KHDRBS2: variants seen among roughly 807,000 people sequenced by gnomAD.
KHDRBS2 encodes KH domain-containing, RNA-binding, signal transduction-associated protein 2.
In KHDRBS2, 26 loss-of-function variants were observed where a neutral mutation model predicts 44.3. The ratio of observed to expected loss-of-function variants is 0.59; its 90% confidence interval spans 0.43 to 0.81. KHDRBS2 has a LOEUF of 0.81. KHDRBS2 is among the 40% of genes least tolerant of loss of function. The pLI is 0.00. For synonymous variants in KHDRBS2, 194 were observed against 151.1 expected (o/e 1.28, Z -2.08); for missense variants, 476 against 433.1 (o/e 1.10, Z -0.88).
In KHDRBS2 at chr6:62,199,340, C is replaced by T. The variant is rs1191701740; in HGVS notation, c.92-22028G>A. ...ACATGATTGTATATCTAGAAAACCC[C>T]CTTGTCTCAGCCCAAAATCTCCTTA... On this transcript the variant is annotated intron_variant, in intron 1 of 8. Transcript: ENST00000281156. 5.3e-5 allele frequency among the ~76,000 whole-genome samples: 8 copies of T among 152,200 alleles called. No individual in the cohort carries two copies. In the South Asian group the frequency reaches 6.2e-4, roughly 12 times the overall value.
intron 3 of KHDRBS2, among the ~76,000 whole-genome samples, chr6:62,022,781 C>A (rs1375157715): frequency 2.0e-5 from 3 of 151,652 alleles, no homozygotes; most frequent in African/African-American, 7.2e-5. Context: ...CATCCCATAT[C>A]ATGTGCGTAG....
At chr6:62,095,569 G>A (rs1167695171) in intron 2 of KHDRBS2, among the ~76,000 whole-genome samples, 1 of 151,744 alleles carries the variant, frequency 6.6e-6, no homozygotes. Context: ...TCTTCATGAT[G>A]TTTTCACAAT....
At chr6:61,937,919 AT>A (rs1811340547) in intron 4 of KHDRBS2, among the ~76,000 whole-genome samples, 1 of 151,960 alleles carries the variant, frequency 6.6e-6, no homozygotes, top group South Asian at 2.1e-4. Flanking sequence ...CTTACTTTCC[AT>A]TTTTATTACC....
At chr6:62,002,574 T>A (rs1189704218) in intron 3 of KHDRBS2, among the ~76,000 whole-genome samples, 1 of 151,282 alleles carries the variant, frequency 6.6e-6, no homozygotes, top group Admixed American at 6.6e-5. Flanking sequence ...ATTACTCTTT[T>A]TAAAAATAAA....
At chr6:61,870,362 G>T (rs1583260818) in intron 6 of KHDRBS2, among the ~76,000 whole-genome samples, 1 of 152,120 alleles carries the variant, frequency 6.6e-6, no homozygotes, top group Admixed American at 6.6e-5. Flanking sequence ...TCTGGTCAGG[G>T]CATCTCTGAA....
intron 1 of KHDRBS2, among the ~76,000 whole-genome samples, chr6:62,247,089 G>GT (rs1709955312): frequency 6.6e-6 from 1 of 151,934 alleles, no homozygotes; most frequent in Admixed American, 6.6e-5. Flanking sequence ...TAGAGAAATA[G>GT]TAACTCTTTG....
chr6:61,998,823 C>A (rs2127256722), intron 3 of KHDRBS2, among the ~76,000 whole-genome samples: 1 of 152,148 alleles, frequency 6.6e-6, no homozygotes, highest in South Asian at 2.1e-4. Flanking sequence ...ACCTTTCCTG[C>A]TTCAAACATT....
the KHDRBS2 span, among the ~76,000 whole-genome samples, chr6:61,548,232 C>T: frequency 2.6e-5 from 4 of 152,018 alleles, no homozygotes; most frequent in African/African-American, 9.7e-5. Context: ...TGAAGACAAA[C>T]TAAGGAACAA....
intron 2 of KHDRBS2, among the ~76,000 whole-genome samples, chr6:62,097,828 C>G (rs768843808): frequency 2.6e-4 from 40 of 152,154 alleles, no homozygotes; most frequent in Non-Finnish European, 5.7e-4. Context: ...TTTCTGTCCT[C>G]CTTTGTGGTT....
chr6:62,047,524 A>G (rs1787977798), intron 3 of KHDRBS2, among the ~76,000 whole-genome samples: 1 of 151,920 alleles, frequency 6.6e-6, no homozygotes, highest in Non-Finnish European at 1.5e-5. Flanking sequence ...TTATTAGGTG[A>G]TATGATTGAA....
chr6:61,738,681 A>G (rs559446220), intron 6 of KHDRBS2, among the ~76,000 whole-genome samples: 1 of 152,084 alleles, frequency 6.6e-6, no homozygotes, highest in Non-Finnish European at 1.5e-5. Context: ...TACCATAAAC[A>G]CATATGTTTA....
chr6:61,745,829 GTAAAA>G (rs906034859), intron 6 of KHDRBS2, among the ~76,000 whole-genome samples: 4 of 152,012 alleles, frequency 2.6e-5, no homozygotes, highest in African/African-American at 9.7e-5. Context: ...GCTGCTGTGT[GTAAAA>G]TAAAATAAAA....
the KHDRBS2 span, among the ~76,000 whole-genome samples, chr6:61,560,108 C>A: frequency 6.6e-6 from 1 of 152,040 alleles, no homozygotes; most frequent in African/African-American, 2.4e-5. Context: ...TTTCCTTCAG[C>A]ATATTAAATA....
intron 2 of KHDRBS2, among the ~76,000 whole-genome samples, chr6:62,095,442 TTG>T (rs1195597079): frequency 2.0e-5 from 3 of 151,850 alleles, no homozygotes; most frequent in Admixed American, 6.6e-5. Context: ...ACAAATACTA[TTG>T]TGTTACAACT....
At chr6:62,051,399 C>CA (rs1789010686) in intron 2 of KHDRBS2, among the ~76,000 whole-genome samples, 1 of 151,828 alleles carries the variant, frequency 6.6e-6, no homozygotes, top group Non-Finnish European at 1.5e-5. Context: ...AATAAAGGTC[C>CA]AATTTCATTC....
At chr6:61,674,742 C>T in the KHDRBS2 span, among the ~76,000 whole-genome samples, 1 of 151,620 alleles carries the variant, frequency 6.6e-6, no homozygotes, top group Non-Finnish European at 1.5e-5. Flanking sequence ...TAGCAACAGG[C>T]CTTTTGATAC....
At chr6:61,770,521 G>C (rs1582723333) in intron 6 of KHDRBS2, among the ~76,000 whole-genome samples, 1 of 152,188 alleles carries the variant, frequency 6.6e-6, no homozygotes, top group African/African-American at 2.4e-5. Context: ...ACCAAGGCAC[G>C]AGAGCTATGT....
At chr6:61,785,833 G>A (rs1783723741) in intron 6 of KHDRBS2, among the ~76,000 whole-genome samples, 1 of 152,030 alleles carries the variant, frequency 6.6e-6, no homozygotes, top group Non-Finnish European at 1.5e-5. Context: ...CGTAATAATA[G>A]CAATAGTGTG....
At chr6:61,781,828 G>A (rs1782978518) in intron 6 of KHDRBS2, among the ~76,000 whole-genome samples, 1 of 152,142 alleles carries the variant, frequency 6.6e-6, no homozygotes, top group South Asian at 2.1e-4. Flanking sequence ...AACCTTTTAT[G>A]ATTTGACTTT....
Sources: allele counts gnomAD v4.1 joint callset (sites outside exome capture counted in the v4.1 genomes callset), GRCh38; gene constraint gnomAD v4.1.1; transcripts MANE v1.5; gene names NCBI Gene and HGNC (gene_info 2026-07-23, HGNC 2026-07-21).